Variants in CEP57 observed in about 807,000 individuals in gnomAD.
CEP57 encodes the protein centrosomal protein 57, also known as centrosomal protein of 57 kDa.
CEP57 carries 40 observed loss-of-function variants against 68.0 expected under a neutral mutation model. The ratio of observed to expected loss-of-function variants is 0.59; its 90% CI spans 0.46 to 0.77. The LOEUF is 0.77. Ranked by LOEUF, CEP57 falls within the 30% of genes least tolerant of loss-of-function variation. The pLI, the probability that CEP57 is intolerant of heterozygous loss-of-function variation, is 0.00. For synonymous variants in CEP57, 219 were observed against 198.7 expected (o/e 1.10, Z -0.86); for missense variants, 606 against 580.7 (o/e 1.04, Z -0.45).
At chr11:95,812,643 T>C (rs1360668891) in intron 2 of CEP57, among the ~76,000 whole-genome samples, 1 of 152,064 alleles carries the variant, frequency 6.6e-6, no homozygotes, top group East Asian at 1.9e-4. Flanking sequence ...AGGGTTTCAC[T>C]GTGTTAGGCT....
At chr11:95,814,899 C>T (rs1037543727) in intron 4 of CEP57, among the ~76,000 whole-genome samples, 10 of 152,124 alleles carry the variant, frequency 6.6e-5, no homozygotes, top group African/African-American at 2.4e-4. Context: ...CTCAAGTCTC[C>T]TATAAAATGG....
chr11:95,830,283 CT>C (rs940228554), intron 10 of CEP57, among the ~76,000 whole-genome samples: 5 of 152,168 alleles, frequency 3.3e-5, no homozygotes, highest in African/African-American at 4.8e-5. Flanking sequence ...AATGGCAGAG[CT>C]GGGATGAAAC....
intron 2 of CEP57, among the ~76,000 whole-genome samples, chr11:95,807,254 T>C (rs1192583982): frequency 6.6e-6 from 1 of 152,170 alleles, no homozygotes; most frequent in Non-Finnish European, 1.5e-5. Flanking sequence ...ACGACAAAGA[T>C]GTGGAGAAAC....
Position 95,827,974 on chromosome 11 carries a change from G to A in CEP57, c.1074G>A (p.Glu358=), listed in dbSNP as rs768387869. ...VTPPSSNGIN[E]ELSEVLQTLQ... is the part of the protein sequence containing the mutation. ...CTCCCTCCTCCAACGGTATTAATGA[G>A]GAGTTGTCAGAAGTCTTACAGACTT... is the stretch of plus-strand genomic sequence containing the variant. The change falls in exon 9 of 11, where the codon GAG becomes GAA. Residue 358 remains glutamate (E), a synonymous_variant. Coordinates refer to ENST00000325542, the MANE Select transcript of CEP57 (RefSeq NM_014679.5). 4.3e-6 allele frequency: 7 copies of A among 1,613,970 alleles called. No individual in the cohort carries two copies. Among genetic ancestry groups the A allele is most frequent in the Non-Finnish European group, 5.9e-6 (7 of 1,179,956 alleles).
intron 8 of CEP57, among the ~76,000 whole-genome samples, chr11:95,823,669 A>G (rs1230569917): frequency 6.6e-6 from 1 of 152,196 alleles, no homozygotes; most frequent in Admixed American, 6.5e-5. Flanking sequence ...ACTGTATAAA[A>G]TTAACTGTAG....
At chr11:95,800,482 G>A (rs552470063) in intron 2 of CEP57, among the ~76,000 whole-genome samples, 31 of 151,532 alleles carry the variant, frequency 2.0e-4, no homozygotes, top group African/African-American at 7.0e-4. Flanking sequence ...TGCAACCTCC[G>A]CCTCCTGGAT....
At chr11:95,800,592 A>G (rs974953589) in intron 2 of CEP57, among the ~76,000 whole-genome samples, 11 of 152,032 alleles carry the variant, frequency 7.2e-5, no homozygotes, top group Admixed American at 5.2e-4. Context: ...AGGTTTCACC[A>G]TGTTGGCCCA....
intron 2 of CEP57, among the ~76,000 whole-genome samples, chr11:95,811,165 G>C (rs1862044128): frequency 6.6e-6 from 1 of 152,150 alleles, no homozygotes; most frequent in South Asian, 2.1e-4. Context: ...GTTCACAATA[G>C]CAAAGACTTG....
In CEP57 at chr11:95,827,762, C is replaced by T. The variant is rs549377802; in HGVS notation, c.886-24C>T. The stretch of plus-strand genomic sequence containing the variant: ...GTAGAGAATATAACTTCAATTACTT[C>T]TTTCATCATTTTTCTTCCTTTAGTC... On this transcript the variant is annotated intron_variant, in intron 8 of 10. Transcript: ENST00000325542. The T allele has an allele frequency of 3.8e-5, 62 of 1,613,388 alleles. No individual in the cohort carries two copies. The Middle Eastern group carries it at 6.6e-4, about 17-fold the overall frequency.
At position 95,818,902 on chromosome 11, in the gene CEP57, G is replaced by A; in HGVS notation, c.697G>A (p.Glu233Lys). The change falls in exon 6 of 11, where the codon GAG becomes AAG. Residue 233 changes from glutamate (E) to lysine (K), a missense_variant and splice_region_variant. Physicochemically the swap from Glu to Lys is moderately conservative, Grantham distance 56. Coordinates refer to ENST00000325542, the MANE Select transcript of CEP57 (RefSeq NM_014679.5). ...ERKRMQAKAA[E>K]LQTGLETNRL... ...GAAACGCATGCAAGCTAAGGCAGCT[G>A]AGGTAAGTTAAAATGTGAGAAAGTG... The A allele has an allele frequency of 1.2e-6, 2 of 1,613,196 alleles. No homozygotes were observed. Among genetic ancestry groups the A allele is most frequent in the South Asian group, 1.1e-5 (1 of 91,044 alleles).
chr11:95,803,692 C>CTT lies in CEP57; in HGVS notation c.202+4315_202+4316dup, dbSNP rs562181017. ...CTCAAACATGGCTAGCACTTTCCATCTTTTTTTTTTTTCGGCTTGTAACTA... is the reference window on the plus strand; with the variant it reads ...CTCAAACATGGCTAGCACTTTCCATCTTTTTTTTTTTTTTCGGCTTGTAACTA... On this transcript the variant is annotated intron_variant, in intron 2 of 10. Transcript: ENST00000325542. 3.5e-5 allele frequency among the ~76,000 whole-genome samples: 5 copies of CTT among 143,266 alleles called. No individual in the cohort carries two copies. In the South Asian group the frequency reaches 6.6e-4, roughly 19 times the overall value. 94.0% of individuals were successfully genotyped at this position (143,266 alleles called of 152,430 possible). A position where few individuals can be genotyped will look rare whatever the true frequency, so the allele number is the denominator to read the frequency against.
At chr11:95,825,026 A>G (rs1403130382) in intron 8 of CEP57, among the ~76,000 whole-genome samples, 3 of 152,210 alleles carry the variant, frequency 2.0e-5, no homozygotes. Flanking sequence ...CTAGCTACCC[A>G]GGAGCATGGA....
At chr11:95,824,661 C>T (rs1303829173) in intron 8 of CEP57, among the ~76,000 whole-genome samples, 1 of 152,092 alleles carries the variant, frequency 6.6e-6, no homozygotes, top group Non-Finnish European at 1.5e-5. Context: ...GACAGAAGTA[C>T]CCTATTCTGG....
intron 2 of CEP57, among the ~76,000 whole-genome samples, chr11:95,804,819 A>G (rs915414698): frequency 1.3e-5 from 2 of 152,262 alleles, no homozygotes; most frequent in African/African-American, 4.8e-5. Context: ...TAGAATTTCA[A>G]TAAAATGTTT....
In CEP57 at chr11:95,800,683, C is replaced by T. The variant is rs573024847; in HGVS notation, c.202+1295C>T. ...GGGATTACAGGCATGAGCTACCGCG[C>T]CTGGCCAAGTCTCTTATGTTTCAAA... On this transcript the variant is annotated intron_variant, in intron 2 of 10. Coordinates refer to ENST00000325542, the MANE Select transcript of CEP57 (RefSeq NM_014679.5). 3.3e-5 allele frequency among the ~76,000 whole-genome samples: 5 copies of T among 152,290 alleles called. No individual in the cohort carries two copies. In the East Asian group the frequency reaches 9.7e-4, roughly 29 times the overall value.
intron 4 of CEP57, among the ~76,000 whole-genome samples, chr11:95,814,540 A>G (rs1862219150): frequency 6.6e-6 from 1 of 151,636 alleles, no homozygotes; most frequent in East Asian, 1.9e-4. Context: ...TTGTATTTTT[A>G]GTAGAGACAG....
At chr11:95,790,907 G>A (rs1238194774) in intron 1 of CEP57, among the ~76,000 whole-genome samples, 164 bp downstream of exon 1, 2 of 152,222 alleles carry the variant, frequency 1.3e-5, no homozygotes, top group Non-Finnish European at 2.9e-5. Flanking sequence ...CACTGTGGCT[G>A]TGTCGAAGCT....
chr11:95,799,299 T>C lies in CEP57; in HGVS notation c.113T>C (p.Val38Ala), dbSNP rs765016836. ...CGGCATTCTTCATCTCCATATGTAG[T>C]ATATCCTTCGGATAAGCCTTTCCTT... is the stretch of plus-strand genomic sequence containing the variant. ...MVRHSSSPYV[V>A]YPSDKPFLNS... The change falls in exon 2 of 11, where the codon GTA becomes GCA. Residue 38 changes from valine to alanine, a missense_variant. Val to Ala is a moderately conservative substitution (Grantham distance 64). Coordinates refer to ENST00000325542, the MANE Select transcript of CEP57 (RefSeq NM_014679.5). 2 of 1,614,008 alleles carry C rather than the reference T, an allele frequency of 1.2e-6. No homozygotes were observed. Among genetic ancestry groups the C allele is most frequent in the African/African-American group, 1.3e-5 (1 of 75,054 alleles).
chr11:95,798,950 G>T (rs932878810), intron 1 of CEP57, among the ~76,000 whole-genome samples: 4 of 152,066 alleles, frequency 2.6e-5, no homozygotes, highest in African/African-American at 9.7e-5. Context: ...TTTAACTGCG[G>T]TATTTACATT....
Sources: allele counts gnomAD v4.1 joint callset (sites outside exome capture counted in the v4.1 genomes callset), GRCh38; gene constraint gnomAD v4.1.1; transcripts MANE v1.5; gene names NCBI Gene and HGNC (gene_info 2026-07-23, HGNC 2026-07-21).